ATXN1: variants seen among roughly 807,000 people sequenced by gnomAD.
ATXN1 encodes ataxin-1.
A neutral mutation model predicts 56.4 loss-of-function variants in ATXN1; 8 were observed. The observed-to-expected ratio is 0.14, with a 90% CI of 0.08 to 0.26. ATXN1 has a LOEUF of 0.26. Ranked by LOEUF, ATXN1 falls within the 10% of genes least tolerant of loss-of-function variation. The pLI, the probability that ATXN1 is intolerant of heterozygous loss-of-function variation, is 1.00. For synonymous variants in ATXN1, 514 were observed against 494.6 expected, an observed-to-expected ratio of 1.04 and a Z score of -0.52; for missense variants, 987 against 1,106.5, an observed-to-expected ratio of 0.89 and a Z score of 1.53.
At chr6:16,679,291 G>T (rs112061894) in intron 2 of ATXN1, among the ~76,000 whole-genome samples, 1 of 150,962 alleles carries the variant, frequency 6.6e-6, no homozygotes, top group African/African-American at 2.4e-5. Context: ...TGGATGGATG[G>T]ATGGATGGAT....
intron 4 of ATXN1, among the ~76,000 whole-genome samples, chr6:16,535,750 G>A (rs1023399468): frequency 1.3e-5 from 2 of 152,172 alleles, no homozygotes; most frequent in Admixed American, 1.3e-4. Flanking sequence ...GTGTGTGAGT[G>A]TGTCTGTGTA....
chr6:16,398,539 CG>C (rs1758500113), intron 6 of ATXN1, among the ~76,000 whole-genome samples: 1 of 152,106 alleles, frequency 6.6e-6, no homozygotes, highest in African/African-American at 2.4e-5. Flanking sequence ...CACATATACA[CG>C]TATATATATG....
chr6:16,332,303 G>A (rs1479370620), intron 6 of ATXN1, among the ~76,000 whole-genome samples: 2 of 152,092 alleles, frequency 1.3e-5, no homozygotes, highest in African/African-American at 2.4e-5. Flanking sequence ...GGGCGCCCCA[G>A]GATGGCACCA....
At chr6:16,339,430 G>A (rs1440842249) in intron 6 of ATXN1, among the ~76,000 whole-genome samples, 1 of 152,172 alleles carries the variant, frequency 6.6e-6, no homozygotes, top group African/African-American at 2.4e-5. Flanking sequence ...TCCTCCAGGT[G>A]TCACACACTG....
intron 5 of ATXN1, among the ~76,000 whole-genome samples, chr6:16,513,490 T>C (rs1761119869): frequency 6.6e-6 from 1 of 152,174 alleles, no homozygotes; most frequent in Non-Finnish European, 1.5e-5. Context: ...AATCTATAAA[T>C]AGCTTAGGCT....
intron 2 of ATXN1, among the ~76,000 whole-genome samples, chr6:16,709,025 CAA>C (rs34066790): frequency 3.0e-4 from 36 of 120,982 alleles, no homozygotes; most frequent in Admixed American, 4.9e-4. Flanking sequence ...AACTCTGTCT[CAA>C]AAAAAAAAAA....
intron 3 of ATXN1, among the ~76,000 whole-genome samples, chr6:16,609,307 T>C (rs957126078): frequency 6.6e-6 from 1 of 152,184 alleles, no homozygotes; most frequent in Admixed American, 6.5e-5. Context: ...AAGTCCTCCA[T>C]GCCCATGGCC....
chr6:16,709,440 T>C (rs773564320), intron 2 of ATXN1, among the ~76,000 whole-genome samples: 9 of 152,170 alleles, frequency 5.9e-5, no homozygotes, highest in African/African-American at 1.2e-4. Flanking sequence ...CTTGGCACAA[T>C]GATGATACAA....
chr6:16,528,888 A>G (rs957451799), intron 4 of ATXN1, among the ~76,000 whole-genome samples: 3 of 152,318 alleles, frequency 2.0e-5, no homozygotes, highest in Admixed American at 2.0e-4. Context: ...ACAAAAAATA[A>G]GCACTTGCAG....
chr6:16,474,539 A>G (rs757967791), intron 6 of ATXN1, among the ~76,000 whole-genome samples: 3 of 152,214 alleles, frequency 2.0e-5, no homozygotes, highest in Non-Finnish European at 4.4e-5. Flanking sequence ...ACCCACAATC[A>G]TAAGATTGTG....
chr6:16,547,751 G>A (rs1490307791), intron 4 of ATXN1, among the ~76,000 whole-genome samples: 1 of 152,150 alleles, frequency 6.6e-6, no homozygotes, highest in Non-Finnish European at 1.5e-5. Flanking sequence ...TAGCCTCAGA[G>A]GGAGGCTATC....
chr6:16,733,910 G>A (rs2113490428), intron 2 of ATXN1, among the ~76,000 whole-genome samples: 2 of 152,208 alleles, frequency 1.3e-5, no homozygotes, highest in South Asian at 4.2e-4. Context: ...CACTTTGGGA[G>A]GCCAAGGTAG....
chr6:16,637,029 A>G (rs1425027738), intron 3 of ATXN1, among the ~76,000 whole-genome samples: 1 of 152,216 alleles, frequency 6.6e-6, no homozygotes, highest in Non-Finnish European at 1.5e-5. Flanking sequence ...TCATGCTGCT[A>G]TAAAGGCACA....
chr6:16,581,195 C>CTGTGTGTGTGTGTG (rs60028007), intron 4 of ATXN1, among the ~76,000 whole-genome samples: 5 of 140,160 alleles, frequency 3.6e-5, no homozygotes, highest in African/African-American at 1.1e-4. Flanking sequence ...CGAGAATGCA[C>CTGTGTGTGTGTGTG]TGTGTGTGTG....
chr6:16,328,001 C>T lies in ATXN1; in HGVS notation c.310G>A (p.Ala104Thr). 1 of 1,613,498 alleles carries T rather than the reference C, an allele frequency of 6.2e-7. No individual in the cohort carries two copies. The highest frequency in any genetic ancestry group is 8.5e-7 in the Non-Finnish European group (1 of 1,179,706). Residue 104 changes from alanine (A) to threonine (T), a missense_variant, in exon 7 of 8, where the codon GCC becomes ACC. Ala to Thr is a moderately conservative substitution (Grantham distance 58). Transcript: ENST00000436367. The surrounding 1 kb of genome is among the most constrained non-coding windows in gnomAD (Gnocchi z 6.2). Reference sequence around the variant, plus strand: ...CCTGGCTGCGGGGTGGCGTACGCGGCAGGCAGCGTGGTGGCCACGGGGACA... The same window carrying T: ...CCTGGCTGCGGGGTGGCGTACGCGGTAGGCAGCGTGGTGGCCACGGGGACA... ...RSVPVATTLPAAYATPQPGTP... is the reference protein window; with the variant it reads ...RSVPVATTLPTAYATPQPGTP...
At chr6:16,307,879 C>T (rs1205188410) in intron 7 of ATXN1, among the ~76,000 whole-genome samples, 1 of 152,122 alleles carries the variant, frequency 6.6e-6, no homozygotes, top group African/African-American at 2.4e-5. Flanking sequence ...AAAGGCCAGG[C>T]GCGGTGGCTC....
intron 3 of ATXN1, among the ~76,000 whole-genome samples, chr6:16,592,043 A>C (rs898957299): frequency 1.3e-5 from 2 of 152,132 alleles, no homozygotes; most frequent in African/African-American, 4.8e-5. Context: ...ACAAATGTTC[A>C]GTTAGCTATT....
chr6:16,538,862 T>C (rs1561745751), intron 4 of ATXN1, among the ~76,000 whole-genome samples: 1 of 152,168 alleles, frequency 6.6e-6, no homozygotes, highest in Non-Finnish European at 1.5e-5. Flanking sequence ...ATTCTTGTTT[T>C]TTCAGTAGAG....
intron 4 of ATXN1, among the ~76,000 whole-genome samples, chr6:16,544,185 T>C (rs1761769380): frequency 6.6e-6 from 1 of 152,206 alleles, no homozygotes; most frequent in East Asian, 1.9e-4. Context: ...TCTTTCTCTT[T>C]GCCAGCAGGG....
Sources: gnomAD v4.1 joint callset for allele counts (sites outside exome capture counted in the v4.1 genomes callset) on GRCh38, gnomAD v4.1.1 for gene constraint, Gnocchi (gnomAD v3.1) non-coding constraint, MANE v1.5 for transcripts, NCBI Gene and HGNC (gene_info 2026-07-23, HGNC 2026-07-21) for gene names.